The following ESRRG variants were observed in gnomAD, a reference collection of about 807,000 sequenced individuals.
ESRRG encodes estrogen related receptor gamma.
ESRRG carries 13 observed loss-of-function variants against 44.0 expected under a neutral mutation model. That is an observed-to-expected ratio of 0.30 (90% CI 0.19 to 0.47). The LOEUF is 0.47. ESRRG is among the 20% of genes least tolerant of loss of function. The pLI, the probability that ESRRG is intolerant of heterozygous loss-of-function variation, is 1.00. For synonymous variants in ESRRG, 215 were observed against 214.6 expected (o/e 1.00, Z -0.02); for missense variants, 395 against 580.6 (o/e 0.68, Z 3.29).
chr1:216,923,748 G>A (rs1177321104), intron 2 of ESRRG, among the ~76,000 whole-genome samples: 1 of 152,102 alleles, frequency 6.6e-6, no homozygotes, highest in Non-Finnish European at 1.5e-5. Flanking sequence ...CATTTTTCAG[G>A]CATATTTCTT....
intron 3 of ESRRG, among the ~76,000 whole-genome samples, chr1:216,583,518 G>C (rs2063190424): frequency 6.6e-6 from 1 of 152,206 alleles, no homozygotes; most frequent in Admixed American, 6.5e-5. Flanking sequence ...GGTTGCTGCT[G>C]GGCAGCATGA....
At chr1:217,134,571 A>AC (rs1339666959) in intron 1 of ESRRG, among the ~76,000 whole-genome samples, 1 of 152,118 alleles carries the variant, frequency 6.6e-6, no homozygotes, top group Non-Finnish European at 1.5e-5. Flanking sequence ...CACACCCCGT[A>AC]CCCCCAAAAG....
chr1:216,726,614 C>G (rs982675304), upstream of ESRRG, among the ~76,000 whole-genome samples: 1 of 152,110 alleles, frequency 6.6e-6, no homozygotes, highest in Non-Finnish European at 1.5e-5. Flanking sequence ...AATCTTACCA[C>G]AAGGAGTCTA....
intron 6 of ESRRG, among the ~76,000 whole-genome samples, chr1:216,517,037 T>G (rs1261678083): frequency 6.6e-6 from 1 of 152,154 alleles, no homozygotes; most frequent in Non-Finnish European, 1.5e-5. Flanking sequence ...TCAGTTATTC[T>G]TTAGTAGGGA....
At chr1:216,966,711 G>T (rs1345784076) in intron 1 of ESRRG, among the ~76,000 whole-genome samples, 1 of 152,008 alleles carries the variant, frequency 6.6e-6, no homozygotes, top group Admixed American at 6.6e-5. Flanking sequence ...GTCTACTTCA[G>T]TCTATTCCTG....
intron 1 of ESRRG, among the ~76,000 whole-genome samples, chr1:216,690,150 A>T (rs1200187287): frequency 6.6e-6 from 1 of 152,150 alleles, no homozygotes; most frequent in Admixed American, 6.6e-5. Context: ...CTGCTTAGGA[A>T]TGTGTATCAC....
chr1:216,910,815 A>G (rs911290405), intron 2 of ESRRG, among the ~76,000 whole-genome samples: 1 of 152,180 alleles, frequency 6.6e-6, no homozygotes, highest in African/African-American at 2.4e-5. Context: ...GCCTGTGTAC[A>G]TTGATAAGAA....
chr1:216,774,702 G>T (rs142522812), intron 2 of ESRRG, among the ~76,000 whole-genome samples: 2 of 151,874 alleles, frequency 1.3e-5, no homozygotes, highest in Non-Finnish European at 2.9e-5. Flanking sequence ...GATTAAAAGC[G>T]TGTGAAAACT....
intron 1 of ESRRG, among the ~76,000 whole-genome samples, chr1:217,096,674 G>T (rs2092428859): frequency 1.9e-5 from 2 of 107,644 alleles, no homozygotes; most frequent in Admixed American, 9.3e-5. Context: ...TCCTCCCACT[G>T]TCCTCCCCAT....
chr1:216,603,683 C>T (rs986877205), intron 3 of ESRRG, among the ~76,000 whole-genome samples: 5 of 152,130 alleles, frequency 3.3e-5, no homozygotes, highest in Non-Finnish European at 5.9e-5. Context: ...AATCCCAGGA[C>T]TTTGGGAGGC....
chr1:216,932,731 T>G (rs531988876), intron 2 of ESRRG, among the ~76,000 whole-genome samples: 9,980 of 144,498 alleles, frequency 0.069, 414 homozygotes, highest in Non-Finnish European at 0.083. Context: ...TTTTTTTTTT[T>G]TTTTTTTTTT....
At chr1:216,546,242 G>A (rs888094423) in intron 5 of ESRRG, among the ~76,000 whole-genome samples, 12 of 152,016 alleles carry the variant, frequency 7.9e-5, no homozygotes, top group Non-Finnish European at 1.6e-4. Context: ...AGGCAAAATT[G>A]CCCCATGTGT....
chr1:217,054,582 C>A (rs901104115), intron 1 of ESRRG, among the ~76,000 whole-genome samples: 1 of 152,176 alleles, frequency 6.6e-6, no homozygotes. Flanking sequence ...GAAAAACAGT[C>A]TCCCTTCGAG....
intron 2 of ESRRG, among the ~76,000 whole-genome samples, chr1:216,825,975 A>G (rs980643045): frequency 7.9e-5 from 12 of 152,286 alleles, no homozygotes; most frequent in Non-Finnish European, 2.9e-5. Flanking sequence ...GGGTCAATCA[A>G]TGTTGACTTT....
chr1:216,990,330 TA>T (rs1349163972), intron 1 of ESRRG, among the ~76,000 whole-genome samples: 1 of 152,342 alleles, frequency 6.6e-6, no homozygotes, highest in East Asian at 1.9e-4. Context: ...ATTTCAAAAA[TA>T]TTTTTTTAAA....
At chr1:216,695,130 C>T (rs967116538) in intron 1 of ESRRG, among the ~76,000 whole-genome samples, 6 of 152,024 alleles carry the variant, frequency 3.9e-5, no homozygotes, top group Non-Finnish European at 8.8e-5. Context: ...GGTTTTTGCA[C>T]TCCTAGTATT....
At chr1:216,968,996 C>G (rs1018892251) in intron 1 of ESRRG, among the ~76,000 whole-genome samples, 9 of 152,070 alleles carry the variant, frequency 5.9e-5, no homozygotes, top group Non-Finnish European at 1.0e-4. Context: ...TACTCTTCTG[C>G]AAGGAATTTT....
Position 216,507,053 on chromosome 1 carries a change from C to T in ESRRG, c.1263G>A (p.Leu421=). Residue 421 remains leucine, a synonymous_variant, in exon 7 of 7, where the codon CTG becomes CTA. Transcript: ENST00000408911. ...TGGTAGAGGTCTGCCTCAGGAGTGG[C>T]AGTGTCATCAGCATCTTGCCAGCTC... ...PRRAGKMLMT[L]PLLRQTSTKA... is the part of the protein sequence containing the mutation. 6.2e-7 allele frequency: 1 copy of T among 1,614,094 alleles called. No homozygotes were observed. Among genetic ancestry groups the T allele is most frequent in the Non-Finnish European group, 8.5e-7 (1 of 1,180,006 alleles).
intron 2 of ESRRG, among the ~76,000 whole-genome samples, chr1:216,794,220 C>T (rs940223234): frequency 3.9e-5 from 6 of 151,986 alleles, no homozygotes; most frequent in African/African-American, 7.2e-5. Flanking sequence ...TAAAGGCTGA[C>T]GTAAGTGTAA....
Sources: gnomAD v4.1 joint callset for allele counts (sites outside exome capture counted in the v4.1 genomes callset) on GRCh38, gnomAD v4.1.1 for gene constraint, MANE v1.5 for transcripts, NCBI Gene and HGNC (gene_info 2026-07-23, HGNC 2026-07-21) for gene names.